The following TRAPPC13 variants were observed in gnomAD, a reference collection of about 807,000 sequenced individuals.
TRAPPC13 encodes REV7-interacting novel NHEJ regulator 1.
In TRAPPC13, 39 loss-of-function variants were observed where a neutral mutation model predicts 54.0. The observed-to-expected ratio is 0.72, with a 90% CI of 0.56 to 0.94. TRAPPC13 has a LOEUF of 0.94. Among genes scored for constraint, TRAPPC13 ranks in the 40% least tolerant of loss-of-function variants. The probability of loss-of-function intolerance (pLI) is 0.00; values close to 1 mark genes in which losing one functional copy is unlikely to be tolerated. For missense variants in TRAPPC13, 386 were observed against 488.1 expected (o/e 0.79, Z 1.97); for synonymous variants, 148 against 167.7 (o/e 0.88, Z 0.91).
chr5:65,629,019 A>G (rs1755396547), intron 1 of TRAPPC13, among the ~76,000 whole-genome samples: 1 of 152,022 alleles, frequency 6.6e-6, no homozygotes, highest in Admixed American at 6.6e-5. Flanking sequence ...ATGGGTTTTC[A>G]CCATGTTGGA....
At chr5:65,629,560 T>C (rs1402605073) in intron 1 of TRAPPC13, 1 of 1,487,676 alleles carries the variant, frequency 6.7e-7, no homozygotes, top group East Asian at 2.5e-5. Context: ...AATTTTCTCA[T>C]CACTAAGAGT....
In TRAPPC13 at chr5:65,630,327, T is replaced by C. The variant is rs901269340; in HGVS notation, c.47-4974T>C. On this transcript the variant is annotated intron_variant, in intron 1 of 12. Coordinates refer to ENST00000399438, the MANE Select transcript of TRAPPC13 (RefSeq NM_024941.4). ...TTATTTGTGCATAAATATGGTGTTA[T>C]TTTTAGTATGTAATGAATTCCACTG... The C allele has an allele frequency of 5.9e-6, 9 of 1,514,582 alleles. No individual in the cohort carries two copies. The African/African-American group carries it at 1.1e-4, about 19-fold the overall frequency. 93.8% of individuals were successfully genotyped at this position (1,514,582 alleles called of 1,614,324 possible). A position where few individuals can be genotyped will look rare whatever the true frequency, so the allele number is the denominator to read the frequency against.
In TRAPPC13 at chr5:65,630,437, CTT is replaced by C. The variant is rs554729635; in HGVS notation, c.47-4860_47-4859del. On this transcript the variant is annotated intron_variant, in intron 1 of 12. Coordinates refer to ENST00000399438, the MANE Select transcript of TRAPPC13 (RefSeq NM_024941.4). ...TTACAGGTTTTAAAATTTTTAATGA[CTT>C]TTTAGAATTCCTAGGCTTGTCAATT... 6.1e-5 allele frequency: 86 copies of C among 1,406,444 alleles called. 1 individual carries two copies. The South Asian group carries it at 1.3e-3, about 22-fold the overall frequency. The allele number at this position is 1,406,444 out of a possible 1,614,324, so 87.1% of individuals were successfully genotyped here. A position where few individuals can be genotyped will look rare whatever the true frequency, so the allele number is the denominator to read the frequency against.
chr5:65,663,894 A>G (rs1322858031), intron 11 of TRAPPC13: 2 of 201,702 alleles, frequency 9.9e-6, no homozygotes, highest in African/African-American at 4.7e-5. Flanking sequence ...AATAGTGAGA[A>G]TATATGGCAA....
chr5:65,639,324 T>A (rs999610144), intron 4 of TRAPPC13, among the ~76,000 whole-genome samples: 1 of 151,800 alleles, frequency 6.6e-6, no homozygotes, highest in African/African-American at 2.4e-5. Flanking sequence ...TAACCTTTTT[T>A]GAAAAATTAT....
chr5:65,629,501 A>G, intron 1 of TRAPPC13: 1 of 1,438,448 alleles, frequency 7.0e-7, no homozygotes, highest in Non-Finnish European at 9.1e-7. Flanking sequence ...AAGAGAGACA[A>G]TCTTGCAATA....
intron 4 of TRAPPC13, among the ~76,000 whole-genome samples, chr5:65,640,943 T>TC (rs1755941956): frequency 1.3e-5 from 2 of 150,580 alleles, no homozygotes; most frequent in East Asian, 3.9e-4. Context: ...TTTCTTTCTT[T>TC]TTTTTTTTGA....
At chr5:65,630,824 C>CA (rs1755514889) in intron 1 of TRAPPC13, 2 of 319,374 alleles carry the variant, frequency 6.3e-6, no homozygotes, top group Admixed American at 1.3e-4. Context: ...AACAACGATA[C>CA]AAAATGTATA....
chr5:65,651,582 A>G (rs1207552411), intron 6 of TRAPPC13, among the ~76,000 whole-genome samples: 1 of 151,772 alleles, frequency 6.6e-6, no homozygotes, highest in Non-Finnish European at 1.5e-5. Context: ...TGAGTTTTGT[A>G]TTAATATACA....
At chr5:65,631,228 A>G (rs1755531692) in intron 1 of TRAPPC13, among the ~76,000 whole-genome samples, 1 of 152,204 alleles carries the variant, frequency 6.6e-6, no homozygotes, top group Admixed American at 6.5e-5. Flanking sequence ...GCACTTAACT[A>G]GGAATATAGA....
At chr5:65,637,825 G>C (rs368323377) in intron 4 of TRAPPC13, 45 bp downstream of exon 4, 31 of 1,287,440 alleles carry the variant, frequency 2.4e-5, no homozygotes, top group Non-Finnish European at 3.3e-5. Flanking sequence ...CTTTAACAAA[G>C]GTTTTTTTTT....
At chr5:65,648,239 G>A (rs565460369) in intron 5 of TRAPPC13, among the ~76,000 whole-genome samples, 2 of 152,224 alleles carry the variant, frequency 1.3e-5, no homozygotes, top group South Asian at 4.1e-4. Flanking sequence ...ATTTTATTTA[G>A]TTTACTTCTA....
intron 5 of TRAPPC13, among the ~76,000 whole-genome samples, chr5:65,647,955 G>A (rs1447148814): frequency 6.6e-6 from 1 of 152,070 alleles, no homozygotes; most frequent in Admixed American, 6.5e-5. Context: ...TTTGGAGTCA[G>A]ACTTCCCAGA....
chr5:65,651,434 G>A (rs140897440), intron 6 of TRAPPC13, among the ~76,000 whole-genome samples: 2 of 152,242 alleles, frequency 1.3e-5, no homozygotes, highest in Admixed American at 1.3e-4. Flanking sequence ...ATGTAGACAA[G>A]GGATAAAATG....
intron 4 of TRAPPC13, among the ~76,000 whole-genome samples, chr5:65,639,127 T>C (rs62372488): frequency 0.073 from 11,147 of 151,974 alleles, 415 homozygotes; most frequent in East Asian, 0.099. Flanking sequence ...TCATGAGACT[T>C]ATTCACCGTC....
chr5:65,647,258 A>G lies in TRAPPC13; in HGVS notation c.428+76A>G, dbSNP rs1423514292. ...TGTTTGAAATTTTTGCTTTCTTTTC[A>G]TTCACCATGAAGCATAGGAACCTAC... On this transcript the variant is annotated intron_variant, in intron 5 of 12. Transcript: ENST00000399438. 10 of 1,363,938 alleles carry G rather than the reference A, an allele frequency of 7.3e-6. No homozygotes were observed. The Admixed American group carries it at 2.6e-4, about 35-fold the overall frequency. The allele number at this position is 1,363,938 out of a possible 1,614,324, so 84.5% of individuals were successfully genotyped here. A position where few individuals can be genotyped will look rare whatever the true frequency, so the allele number is the denominator to read the frequency against.
At chr5:65,627,151 A>AAAAAAAAAAAAAAAAAAAAAAAAAAC (rs1755279303) in intron 1 of TRAPPC13, among the ~76,000 whole-genome samples, 1 of 149,950 alleles carries the variant, frequency 6.7e-6, no homozygotes. Flanking sequence ...AAAAAAAAAA[A>AAAAAAAAAAAAAAAAAAAAAAAAAAC]AAAAAAGAAC....
intron 7 of TRAPPC13, 43 bp from the exon 8 acceptor site, chr5:65,655,593 T>G (rs760315497): frequency 1.3e-5 from 9 of 703,146 alleles, no homozygotes; most frequent in Middle Eastern, 4.8e-4. Flanking sequence ...CTTTAACATT[T>G]AACTCTGATT....
intron 6 of TRAPPC13, among the ~76,000 whole-genome samples, chr5:65,651,233 A>G (rs796420499): frequency 3.9e-5 from 6 of 152,234 alleles, no homozygotes; most frequent in African/African-American, 1.4e-4. Context: ...CCCAGACAAC[A>G]TGACCTAGGA....
Sources: gnomAD v4.1 joint callset for allele counts (sites outside exome capture counted in the v4.1 genomes callset) on GRCh38, gnomAD v4.1.1 for gene constraint, MANE v1.5 for transcripts, NCBI Gene and HGNC (gene_info 2026-07-23, HGNC 2026-07-21) for gene names.